Variants in SPATA17 observed in about 807,000 individuals in gnomAD.
SPATA17 encodes spermatogenesis associated 17.
Under a neutral mutation model 62.2 loss-of-function variants are expected in SPATA17, and 53 were observed. The observed-to-expected ratio is 0.85, with a 90% confidence interval of 0.68 to 1.07. The LOEUF (loss-of-function observed/expected upper bound fraction) is 1.07. Among genes scored for constraint, SPATA17 ranks in the 50% least tolerant of loss-of-function variants. The pLI, the probability that SPATA17 is intolerant of heterozygous loss-of-function variation, is 0.00. For synonymous variants in SPATA17, 146 were observed against 146.8 expected (o/e 0.99, Z 0.04); for missense variants, 466 against 425.5 (o/e 1.10, Z -0.84).
At chr1:217,810,674 G>C (rs1293273775) in intron 9 of SPATA17, among the ~76,000 whole-genome samples, 1 of 151,992 alleles carries the variant, frequency 6.6e-6, no homozygotes, top group African/African-American at 2.4e-5. Flanking sequence ...ATTTTTAAAA[G>C]AAAGAGGTTT....
At chr1:217,744,132 A>G (rs1294442396) in intron 6 of SPATA17, among the ~76,000 whole-genome samples, 1 of 152,056 alleles carries the variant, frequency 6.6e-6, no homozygotes, top group African/African-American at 2.4e-5. Flanking sequence ...ATTTCATTTC[A>G]TTTCATTTCA....
chr1:217,672,729 A>G (rs904208695), intron 4 of SPATA17, among the ~76,000 whole-genome samples: 6 of 152,082 alleles, frequency 3.9e-5, no homozygotes, highest in African/African-American at 1.5e-4. Context: ...CCTTTTCTCT[A>G]AAGACTTTAT....
intron 9 of SPATA17, among the ~76,000 whole-genome samples, chr1:217,827,583 G>A (rs1675025734): frequency 2.6e-5 from 4 of 152,096 alleles, no homozygotes; most frequent in Admixed American, 6.6e-5. Context: ...ACATGCATGT[G>A]TCTGTTCATT....
rs528456094 is a variant in SPATA17 at position 217,723,812 on chromosome 1, C to T, written c.396-18163C>T. On this transcript the variant is annotated intron_variant, in intron 5 of 10. Coordinates refer to ENST00000366933, the MANE Select transcript of SPATA17 (RefSeq NM_138796.4). ...TGGAATACAGTATATGTGCAGATAACGGGCTTTTCAAATACTGCATAACAG... is the reference window on the plus strand; with the variant it reads ...TGGAATACAGTATATGTGCAGATAATGGGCTTTTCAAATACTGCATAACAG... 3.3e-5 allele frequency among the ~76,000 whole-genome samples: 5 copies of T among 152,308 alleles called. No homozygotes were observed. The South Asian group carries it at 1.0e-3, about 32-fold the overall frequency.
At chr1:217,793,840 G>A (rs1260155330) in intron 8 of SPATA17, among the ~76,000 whole-genome samples, 6 of 152,058 alleles carry the variant, frequency 3.9e-5, no homozygotes, top group Non-Finnish European at 5.9e-5. Flanking sequence ...AGGAGGCCGG[G>A]TGCGGTGGCT....
chr1:217,869,669 C>A lies in SPATA17; in HGVS notation c.*2650C>A, dbSNP rs933055262. ...TTATTGCTATGAAAAATCTTAAGATCTCTATTTTAATGTTAATGCTGGTCA... is the reference window on the plus strand; with the variant it reads ...TTATTGCTATGAAAAATCTTAAGATATCTATTTTAATGTTAATGCTGGTCA... On this transcript the variant is annotated 3_prime_UTR_variant, in exon 11 of 11. Coordinates refer to ENST00000366933, the MANE Select transcript of SPATA17 (RefSeq NM_138796.4). The A allele has an allele frequency of 2.0e-5, 3 of 151,986 alleles. No individual in the cohort carries two copies. Among genetic ancestry groups the A allele is most frequent in the African/African-American group, 7.3e-5 (3 of 41,350 alleles). 9.4% of individuals were successfully genotyped at this position (151,986 alleles called of 1,614,324 possible). A position where few individuals can be genotyped will look rare whatever the true frequency, so the allele number is the denominator to read the frequency against.
At chr1:217,757,363 A>G (rs1487342762) in intron 6 of SPATA17, among the ~76,000 whole-genome samples, 2 of 152,228 alleles carry the variant, frequency 1.3e-5, no homozygotes, top group Non-Finnish European at 1.5e-5. Context: ...TAGTTCCATC[A>G]TTAAATCTAC....
intron 5 of SPATA17, among the ~76,000 whole-genome samples, chr1:217,713,569 G>T (rs1348031792): frequency 2.0e-5 from 3 of 152,138 alleles, no homozygotes; most frequent in African/African-American, 7.2e-5. Flanking sequence ...TGAGTGAAGG[G>T]GGAGAGATGG....
At chr1:217,784,116 A>G (rs1673798364) in intron 8 of SPATA17, among the ~76,000 whole-genome samples, 1 of 151,928 alleles carries the variant, frequency 6.6e-6, no homozygotes, top group Admixed American at 6.6e-5. Flanking sequence ...CTTCTGAACC[A>G]TTTTGCTTTT....
chr1:217,866,634 A>G (rs1447777797), intron 10 of SPATA17: 2 of 151,666 alleles, frequency 1.3e-5, no homozygotes, highest in East Asian at 1.9e-4. Context: ...CTAACTTTTT[A>G]ATTTTTTTGT....
intron 7 of SPATA17, among the ~76,000 whole-genome samples, chr1:217,775,761 A>G (rs890349631): frequency 6.6e-6 from 1 of 151,804 alleles, no homozygotes; most frequent in Non-Finnish European, 1.5e-5. Flanking sequence ...GTTTTGTTCC[A>G]TTTTTTTGAC....
intron 5 of SPATA17, among the ~76,000 whole-genome samples, chr1:217,696,479 C>A (rs966119770): frequency 2.6e-5 from 4 of 152,244 alleles, no homozygotes; most frequent in Non-Finnish European, 4.4e-5. Flanking sequence ...ACGCTGGGAG[C>A]TGTAGACCAG....
intron 3 of SPATA17, among the ~76,000 whole-genome samples, chr1:217,659,686 C>T (rs1010235984): frequency 2.0e-5 from 3 of 152,138 alleles, no homozygotes; most frequent in East Asian, 1.9e-4. Context: ...GGATGTCCCT[C>T]GGGTGGCCCA....
chr1:217,828,590 T>C (rs975994172), intron 9 of SPATA17, among the ~76,000 whole-genome samples: 11 of 147,278 alleles, frequency 7.5e-5, no homozygotes, highest in African/African-American at 2.7e-4. Context: ...ACTAAAAAGC[T>C]TCAAACTAAA....
intron 9 of SPATA17, among the ~76,000 whole-genome samples, chr1:217,824,668 A>C (rs926136724): frequency 6.6e-6 from 1 of 151,012 alleles, no homozygotes; most frequent in Non-Finnish European, 1.5e-5. Context: ...CTTTATACAA[A>C]TATGTATAAA....
At chr1:217,840,846 G>C (rs1209590339) in intron 9 of SPATA17, among the ~76,000 whole-genome samples, 3 of 151,818 alleles carry the variant, frequency 2.0e-5, no homozygotes, top group Admixed American at 2.0e-4. Context: ...GTGACACAGT[G>C]AGACCCTGTC....
chr1:217,713,229 G>C (rs1217641127), intron 5 of SPATA17, among the ~76,000 whole-genome samples: 1 of 152,032 alleles, frequency 6.6e-6, no homozygotes, highest in Non-Finnish European at 1.5e-5. Flanking sequence ...ATTCCAGTGT[G>C]TGTGCTATCA....
chr1:217,863,085 A>C (rs1454040013), intron 10 of SPATA17, among the ~76,000 whole-genome samples: 8 of 151,834 alleles, frequency 5.3e-5, no homozygotes, highest in African/African-American at 1.7e-4. Flanking sequence ...AAATACATTA[A>C]GAAATAGAAC....
chr1:217,836,704 T>C lies in SPATA17; in HGVS notation c.1006-26070T>C, dbSNP rs528172681. The stretch of plus-strand genomic sequence containing the variant: ...TCTTTGGATGGAGCAAATCAAAATT[T>C]GGGTTAATTTCCAGCCTTCTCGGCT... On this transcript the variant is annotated intron_variant, in intron 9 of 10. Transcript: ENST00000366933. 3.3e-5 allele frequency among the ~76,000 whole-genome samples: 5 copies of C among 152,250 alleles called. No homozygotes were observed. In the South Asian group the frequency reaches 1.0e-3, roughly 32 times the overall value.
Sources: allele counts gnomAD v4.1 joint callset (sites outside exome capture counted in the v4.1 genomes callset), GRCh38; gene constraint gnomAD v4.1.1; transcripts MANE v1.5; gene names NCBI Gene and HGNC (gene_info 2026-07-23, HGNC 2026-07-21).